Variants in TTI1 observed in about 807,000 individuals in gnomAD.
TTI1 encodes TELO2-interacting protein 1 homolog.
Under a neutral mutation model 85.4 loss-of-function variants are expected in TTI1, and 52 were observed. The observed-to-expected ratio is 0.61, with a 90% CI of 0.49 to 0.77. TTI1 has a LOEUF of 0.77. Among genes scored for constraint, TTI1 ranks in the 30% least tolerant of loss-of-function variants. TTI1 has a pLI of 0.00. For synonymous variants in TTI1, 512 were observed against 503.9 expected, an observed-to-expected ratio of 1.02 and a Z score of -0.22; for missense variants, 1,173 against 1,296.0, an observed-to-expected ratio of 0.91 and a Z score of 1.46.
intron 1 of TTI1, among the ~76,000 whole-genome samples, chr20:38,029,886 T>C (rs895830936): frequency 2.0e-5 from 3 of 152,164 alleles, no homozygotes; most frequent in African/African-American, 7.2e-5. Flanking sequence ...TGCACTGCCT[T>C]GGGACTCTGC....
rs1279578678 is a variant in TTI1 at position 37,996,888 on chromosome 20, C to T, written c.2859G>A (p.Leu953=). The change falls in exon 6 of 8, where the codon CTG becomes CTA. Residue 953 remains leucine (L), a synonymous_variant. Coordinates refer to ENST00000373447, the MANE Select transcript of TTI1 (RefSeq NM_001303457.2). ...FLRSRFCKDV[L]PKLAGSLVTQ... is the part of the protein sequence containing the mutation. ...TGACTAGGGAGCCAGCCAGCTTTGG[C>T]AGGACATCTTTGCAGAACCGGCTGC... The T allele has an allele frequency of 3.7e-6, 6 of 1,614,030 alleles. No homozygotes were observed. Among genetic ancestry groups the T allele is most frequent in the Admixed American group, 3.3e-5 (2 of 60,002 alleles).
intron 2 of TTI1, among the ~76,000 whole-genome samples, chr20:38,009,896 A>G (rs1205678057): frequency 6.6e-6 from 1 of 152,082 alleles, no homozygotes; most frequent in Non-Finnish European, 1.5e-5. Flanking sequence ...TTCCTCAGAG[A>G]GGCCCTCCCT....
intron 7 of TTI1, among the ~76,000 whole-genome samples, chr20:37,985,548 G>C (rs1273747021): frequency 1.0e-4 from 15 of 149,538 alleles, no homozygotes; most frequent in Non-Finnish European, 2.1e-4. Context: ...TTTTTTTTGA[G>C]ACAGAGTCTC....
At chr20:38,032,537 G>T (rs1350013931) in intron 1 of TTI1, among the ~76,000 whole-genome samples, 20 of 152,048 alleles carry the variant, frequency 1.3e-4, no homozygotes, top group Admixed American at 1.3e-3. Context: ...TGATACCTGG[G>T]ATTTAAAACT....
In TTI1 at chr20:38,011,869, T is replaced by A. The variant is rs760855111; in HGVS notation, c.1948A>T (p.Met650Leu). Residue 650 changes from methionine to leucine, a missense_variant, in exon 2 of 8, where the codon ATG (methionine) becomes TTG (leucine). Coordinates refer to ENST00000373447, the MANE Select transcript of TTI1 (RefSeq NM_001303457.2). The part of the protein sequence containing the change: ...ALGKDFCLLL[M>L]SALYPVLEKA... The stretch of plus-strand genomic sequence containing the variant: ...TCCAGTACTGGATAAAGGGCTGACA[T>A]CAAGAGCAAACAGAAGTCTTTTCCT... 33 of 1,614,092 alleles carry A rather than the reference T, an allele frequency of 2.0e-5. No homozygotes were observed. The Admixed American group carries it at 5.3e-4, about 26-fold the overall frequency.
At chr20:37,988,219 A>C (rs1166045770) in intron 7 of TTI1, among the ~76,000 whole-genome samples, 4 of 152,186 alleles carry the variant, frequency 2.6e-5, no homozygotes, top group Non-Finnish European at 4.4e-5. Context: ...TGGCTTCCTG[A>C]GGAGAGGCAC....
intron 1 of TTI1, among the ~76,000 whole-genome samples, chr20:38,025,097 CG>C (rs2073819332): frequency 6.6e-6 from 1 of 152,138 alleles, no homozygotes; most frequent in African/African-American, 2.4e-5. Flanking sequence ...TGATGAGGTA[CG>C]GACCCCCTTC....
chr20:38,022,276 C>T (rs925287218), intron 1 of TTI1, among the ~76,000 whole-genome samples: 3 of 152,174 alleles, frequency 2.0e-5, no homozygotes, highest in Non-Finnish European at 4.4e-5. Flanking sequence ...GCTCAAGTGA[C>T]GCCTTGTCTG....
intron 2 of TTI1, 96 bp downstream of exon 2, chr20:38,011,419 G>A: frequency 7.3e-7 from 1 of 1,367,416 alleles, no homozygotes; most frequent in African/African-American, 1.5e-5. Flanking sequence ...GTCCTCCATA[G>A]CATCACCACA....
intron 7 of TTI1, chr20:37,987,507 T>C: frequency 2.7e-6 from 1 of 372,574 alleles, no homozygotes; most frequent in Non-Finnish European, 5.3e-6. Context: ...TTCTTTCTCC[T>C]CCCCCCAGGC....
chr20:37,996,274 A>G, intron 7 of TTI1, 101 bp downstream of exon 7: 1 of 1,209,976 alleles, frequency 8.3e-7, no homozygotes, highest in Non-Finnish European at 1.2e-6. Context: ...TGGCAGGGTG[A>G]CAGAGAAAAG....
At position 38,011,610 on chromosome 20, in the gene TTI1, T is replaced by C; in HGVS notation, c.2207A>G (p.Asp736Gly). 1 of 1,614,230 alleles carries C rather than the reference T, an allele frequency of 6.2e-7. No individual in the cohort carries two copies. The highest frequency in any genetic ancestry group is 8.5e-7 in the Non-Finnish European group (1 of 1,180,018). The change falls in exon 2 of 8, where the codon GAT becomes GGT. Residue 736 changes from aspartate to glycine, a missense_variant. Coordinates refer to ENST00000373447, the MANE Select transcript of TTI1 (RefSeq NM_001303457.2). ...GGTGGCCAAGACATCTTGAACCACATCTGCCACCAAAGGAAGCAGGTTAGC... is the reference window on the plus strand; with the variant it reads ...GGTGGCCAAGACATCTTGAACCACACCTGCCACCAAAGGAAGCAGGTTAGC... Reference protein sequence around the residue: ...SDANLLPLVADVVQDVLATLD... With the variant: ...SDANLLPLVAGVVQDVLATLD...
At chr20:38,033,102 A>T (rs6013701) in intron 1 of TTI1, among the ~76,000 whole-genome samples, 39 of 152,274 alleles carry the variant, frequency 2.6e-4, no homozygotes, top group African/African-American at 8.7e-4. Context: ...CGGGGGGCTG[A>T]GTAGGAGCTC....
chr20:38,010,467 CTTTTTTT>C (rs764386880), intron 2 of TTI1, among the ~76,000 whole-genome samples: 10 of 104,422 alleles, frequency 9.6e-5, no homozygotes, highest in African/African-American at 2.3e-4. Flanking sequence ...TTTGCCATTC[CTTTTTTT>C]TTTTTTTTTT....
intron 1 of TTI1, among the ~76,000 whole-genome samples, chr20:38,027,964 T>C (rs1369407545): frequency 1.3e-5 from 2 of 152,108 alleles, no homozygotes; most frequent in African/African-American, 4.8e-5. Context: ...CAATTACTAT[T>C]CATTAAGTGG....
intron 2 of TTI1, among the ~76,000 whole-genome samples, chr20:38,009,338 C>T (rs2073547372): frequency 6.6e-6 from 1 of 152,060 alleles, no homozygotes; most frequent in Non-Finnish European, 1.5e-5. Flanking sequence ...TTCCAAGTAG[C>T]TGCAAAATAA....
chr20:37,992,396 C>A (rs879400574), intron 7 of TTI1, among the ~76,000 whole-genome samples: 1 of 152,098 alleles, frequency 6.6e-6, no homozygotes, highest in Admixed American at 6.5e-5. Flanking sequence ...CCTGCCTCAG[C>A]TTCCCAAGTA....
At position 38,012,388 on chromosome 20, in the gene TTI1, G is replaced by A. The variant is rs759409160; in HGVS notation, c.1429C>T (p.Arg477Cys). 9.7e-5 allele frequency: 157 copies of A among 1,614,046 alleles called. 1 individual carries two copies. The highest frequency in any genetic ancestry group is 2.6e-4 in the South Asian group (24 of 91,080). ...PWNRIQRRYF[R>C]FFTDERIFML... Reference sequence around the variant, plus strand: ...AAGATTCTCTCATCAGTGAAGAAGCGGAAATATCTCCTCTGGATGCGGTTC... The same window carrying A: ...AAGATTCTCTCATCAGTGAAGAAGCAGAAATATCTCCTCTGGATGCGGTTC... The change falls in exon 2 of 8, where the codon CGC becomes TGC. Residue 477 changes from arginine to cysteine, a missense_variant. By Grantham distance (180) the Arg-to-Cys change is radical. Transcript: ENST00000373447.
At chr20:37,999,104 A>G in intron 5 of TTI1, 84 bp downstream of exon 5, 1 of 1,300,584 alleles carries the variant, frequency 7.7e-7, no homozygotes, top group East Asian at 2.8e-5. Context: ...TCGGGTGAAG[A>G]GAACCAATCC....
Sources: allele counts gnomAD v4.1 joint callset (sites outside exome capture counted in the v4.1 genomes callset), GRCh38; gene constraint gnomAD v4.1.1; transcripts MANE v1.5; gene names NCBI Gene and HGNC (gene_info 2026-07-23, HGNC 2026-07-21).